The following AFG2A variants were observed in gnomAD, a reference collection of about 807,000 sequenced individuals.
AFG2A encodes ATPase family gene 2 protein homolog A.
At chr4:122,993,172 T>A in the AFG2A span, among the ~76,000 whole-genome samples, 6 of 151,752 alleles carry the variant, frequency 4.0e-5, no homozygotes, top group Non-Finnish European at 8.8e-5. Flanking sequence ...TTTTTTTTTT[T>A]AGTAGAGATG....
the AFG2A span, among the ~76,000 whole-genome samples, chr4:123,208,173 A>G: frequency 2.6e-3 from 391 of 152,318 alleles, 4 homozygotes; most frequent in African/African-American, 9.0e-3. Flanking sequence ...CAAGGATACT[A>G]AGACCATTCA....
At chr4:122,928,236 C>G in the AFG2A span, among the ~76,000 whole-genome samples, 1 of 152,026 alleles carries the variant, frequency 6.6e-6, no homozygotes, top group African/African-American at 2.4e-5. Flanking sequence ...AGAAGGTCAC[C>G]TGTTCTGTAT....
At chr4:123,162,392 A>G in the AFG2A span, among the ~76,000 whole-genome samples, 22 of 152,206 alleles carry the variant, frequency 1.4e-4, no homozygotes, top group African/African-American at 4.8e-4. Context: ...GTCAAATATT[A>G]TAGAGTACAT....
At chr4:123,093,000 A>G in the AFG2A span, among the ~76,000 whole-genome samples, 3 of 152,198 alleles carry the variant, frequency 2.0e-5, no homozygotes, top group African/African-American at 7.2e-5. Flanking sequence ...CCTTGAAGTC[A>G]GTTGATTAAG....
chr4:123,224,284 A>G, the AFG2A span, among the ~76,000 whole-genome samples: 5 of 152,086 alleles, frequency 3.3e-5, no homozygotes, highest in African/African-American at 9.7e-5. Flanking sequence ...ATATGTATAC[A>G]TGTGCCATGT....
chr4:123,079,889 A>G, the AFG2A span, among the ~76,000 whole-genome samples: 2 of 151,322 alleles, frequency 1.3e-5, no homozygotes, highest in African/African-American at 4.9e-5. Context: ...AGCTGGGACT[A>G]CAGGCGCCCA....
chr4:123,202,972 G>T, the AFG2A span, among the ~76,000 whole-genome samples: 1 of 152,018 alleles, frequency 6.6e-6, no homozygotes, highest in Non-Finnish European at 1.5e-5. Context: ...GCAGTGAGCC[G>T]TGATCGTACT....
chr4:123,233,184 TGTC>T, the AFG2A span, among the ~76,000 whole-genome samples: 831 of 152,172 alleles, frequency 5.5e-3, 10 homozygotes, highest in African/African-American at 0.019. Flanking sequence ...GTAATAGACT[TGTC>T]GTTAAAGTTT....
At chr4:123,231,021 T>A in the AFG2A span, among the ~76,000 whole-genome samples, 8 of 151,994 alleles carry the variant, frequency 5.3e-5, no homozygotes, top group East Asian at 1.5e-3. Context: ...AAGAGTAGAT[T>A]TAGCATATTC....
the AFG2A span, among the ~76,000 whole-genome samples, chr4:123,158,236 C>T: frequency 6.6e-6 from 1 of 152,182 alleles, no homozygotes; most frequent in African/African-American, 2.4e-5. Flanking sequence ...TTACTTTTGG[C>T]AGAGAAAATA....
At chr4:123,140,392 C>T in the AFG2A span, among the ~76,000 whole-genome samples, 2 of 151,938 alleles carry the variant, frequency 1.3e-5, no homozygotes, top group East Asian at 3.9e-4. Flanking sequence ...GAAAATAATG[C>T]AAATAGCCTT....
the AFG2A span, among the ~76,000 whole-genome samples, chr4:123,153,293 G>A: frequency 6.6e-6 from 1 of 152,200 alleles, no homozygotes; most frequent in Non-Finnish European, 1.5e-5. Flanking sequence ...TCAAGCCTTG[G>A]AAAGGAAAAG....
the AFG2A span, among the ~76,000 whole-genome samples, chr4:122,973,732 T>G: frequency 6.6e-6 from 1 of 152,234 alleles, no homozygotes; most frequent in African/African-American, 2.4e-5. Flanking sequence ...CACCCAAGTT[T>G]AGTGACTGAG....
chr4:123,223,493 T>C, the AFG2A span, among the ~76,000 whole-genome samples: 1 of 152,154 alleles, frequency 6.6e-6, no homozygotes, highest in Non-Finnish European at 1.5e-5. Context: ...CCAGGAAACA[T>C]GGCTGGGGAG....
chr4:123,249,253 G>T, the AFG2A span, among the ~76,000 whole-genome samples: 77,563 of 151,604 alleles, frequency 0.51, 24,384 homozygotes, highest in Non-Finnish European at 0.67. Flanking sequence ...CTGAGCAGAG[G>T]GAGAAATATG....
the AFG2A span, among the ~76,000 whole-genome samples, chr4:123,145,370 T>C: frequency 6.6e-6 from 1 of 152,088 alleles, no homozygotes; most frequent in Non-Finnish European, 1.5e-5. Flanking sequence ...AGTTTCTTCA[T>C]TTCATCTTGT....
chr4:122,934,099 G>A, the AFG2A span: 1 of 1,587,904 alleles, frequency 6.3e-7, no homozygotes, highest in Non-Finnish European at 8.6e-7. Flanking sequence ...TTTTCTAGAT[G>A]GCAAGATTGT....
At chr4:123,211,652 T>C in the AFG2A span, among the ~76,000 whole-genome samples, 3 of 152,158 alleles carry the variant, frequency 2.0e-5, no homozygotes, top group Non-Finnish European at 4.4e-5. Flanking sequence ...AGATAAGTCA[T>C]GTAAATTTTT....
chr4:123,164,692 A>G, the AFG2A span, among the ~76,000 whole-genome samples: 3 of 152,200 alleles, frequency 2.0e-5, no homozygotes, highest in Admixed American at 6.5e-5. Context: ...CTCTATGCCA[A>G]TACTTTATTA....
Sources: allele counts gnomAD v4.1 joint callset (sites outside exome capture counted in the v4.1 genomes callset), GRCh38; gene constraint gnomAD v4.1.1; transcripts MANE v1.5; gene names NCBI Gene and HGNC (gene_info 2026-07-23, HGNC 2026-07-21).